Variants in CNTN4 observed in about 807,000 individuals in gnomAD.
CNTN4 encodes contactin 4, also known as contactin-4.
Under a neutral mutation model 122.5 loss-of-function variants are expected in CNTN4, and 77 were observed. That is an observed-to-expected ratio of 0.63 (90% CI 0.52 to 0.76). CNTN4 has a LOEUF of 0.76. CNTN4 is among the 30% of genes least tolerant of loss of function. The pLI is 0.00. For missense variants in CNTN4, 1,256 were observed against 1,259.1 expected (o/e 1.00, Z 0.04); for synonymous variants, 512 against 447.0 (o/e 1.15, Z -1.83).
At chr3:2,440,256 G>C (rs1266897807) in intron 3 of CNTN4, among the ~76,000 whole-genome samples, 1 of 151,982 alleles carries the variant, frequency 6.6e-6, no homozygotes, top group Non-Finnish European at 1.5e-5. Context: ...CTATCGCAAG[G>C]ACAAAAAAAC....
At chr3:2,582,355 G>A (rs1449477113) in intron 4 of CNTN4, among the ~76,000 whole-genome samples, 1 of 152,124 alleles carries the variant, frequency 6.6e-6, no homozygotes, top group Non-Finnish European at 1.5e-5. Flanking sequence ...AAGTCCCACA[G>A]ATAATGAGTG....
chr3:2,754,654 A>G (rs1263084009), intron 6 of CNTN4, among the ~76,000 whole-genome samples: 1 of 152,068 alleles, frequency 6.6e-6, no homozygotes, highest in East Asian at 1.9e-4. Context: ...AGGAGTGCTT[A>G]CGTACAAAAG....
intron 2 of CNTN4, among the ~76,000 whole-genome samples, chr3:2,136,969 C>T (rs1344036360): frequency 3.3e-5 from 5 of 152,098 alleles, no homozygotes; most frequent in South Asian, 4.1e-4. Flanking sequence ...CCCCTCCCCC[C>T]GAAGAAAACA....
intron 3 of CNTN4, among the ~76,000 whole-genome samples, chr3:2,475,865 A>G (rs1310943791): frequency 6.6e-6 from 1 of 152,078 alleles, no homozygotes; most frequent in Non-Finnish European, 1.5e-5. Flanking sequence ...CTTAACTCAT[A>G]TGCTCTACAC....
At chr3:2,314,791 A>G (rs761520022) in intron 2 of CNTN4, among the ~76,000 whole-genome samples, 7 of 152,028 alleles carry the variant, frequency 4.6e-5, no homozygotes, top group Non-Finnish European at 8.8e-5. Flanking sequence ...AAATTGCGAT[A>G]TCTCTAAATC....
chr3:2,583,241 A>G (rs1390987720), intron 4 of CNTN4, among the ~76,000 whole-genome samples: 2 of 152,342 alleles, frequency 1.3e-5, no homozygotes, highest in East Asian at 3.9e-4. Flanking sequence ...TGACATAACA[A>G]CTCATTGCAG....
chr3:2,666,358 C>G (rs985046371), intron 4 of CNTN4, among the ~76,000 whole-genome samples: 1 of 151,922 alleles, frequency 6.6e-6, no homozygotes, highest in African/African-American at 2.4e-5. Flanking sequence ...TCAAATAGGT[C>G]ATTATAAGTA....
intron 6 of CNTN4, among the ~76,000 whole-genome samples, chr3:2,802,614 G>A (rs2092375378): frequency 6.6e-6 from 1 of 152,134 alleles, no homozygotes; most frequent in Non-Finnish European, 1.5e-5. Context: ...AGTAAAGCAA[G>A]GTTATGTATT....
chr3:2,750,223 CTAATT>C lies in CNTN4; in HGVS notation c.358+4529_358+4533del, dbSNP rs574416116. Reference sequence around the variant, plus strand: ...GGCCCTACTTTGCTTTAGATTTACTCTAATTTATGAGAAAAACAACCTTCACTTTA... The same window carrying C: ...GGCCCTACTTTGCTTTAGATTTACTCTATGAGAAAAACAACCTTCACTTTA... On this transcript the variant is annotated intron_variant, in intron 6 of 24. Coordinates refer to ENST00000418658, the MANE Select transcript of CNTN4 (RefSeq NM_175607.3). 3.1e-3 allele frequency among the ~76,000 whole-genome samples: 467 copies of C among 152,306 alleles called. 1 individual carries two copies. Among genetic ancestry groups the C allele is most frequent in the African/African-American group, 0.011 (443 of 41,566 alleles).
chr3:2,600,005 C>CTTTTTTTTTTTT lies in CNTN4; in HGVS notation c.55+28449_55+28450insTTTTTTTTTTTT, dbSNP rs1220761684. Among the ~76,000 whole-genome samples, 47 of 28,300 alleles carry CTTTTTTTTTTTT rather than the reference C, an allele frequency of 1.7e-3. 7 individuals are homozygous for CTTTTTTTTTTTT. Among genetic ancestry groups the CTTTTTTTTTTTT allele is most frequent in the Non-Finnish European group, 3.8e-3 (40 of 10,612 alleles). The allele number at this position is 28,300 out of a possible 152,430, so 18.6% of individuals were successfully genotyped here. On this transcript the variant is annotated intron_variant, in intron 4 of 24. Coordinates refer to ENST00000418658, the MANE Select transcript of CNTN4 (RefSeq NM_175607.3). ...CAACTCTATTTTGGTTTATGGAATT[C>CTTTTTTTTTTTT]TTCTTTTTTTTTTTTTTTTTTTTTT...
In CNTN4 at chr3:2,975,550, C is replaced by T. The variant is rs114320540; in HGVS notation, c.1359-12795C>T. Among the ~76,000 whole-genome samples, 410 of 152,298 alleles carry T rather than the reference C, an allele frequency of 2.7e-3. 6 individuals carry two copies. The highest frequency in any genetic ancestry group is 6.8e-3 in the Middle Eastern group (2 of 294). Reference sequence around the variant, plus strand: ...TAGGATGTTGTAAGTGCTTAATAAACTTCTTAAGCATCTCCATGCGCCCAA... The same window carrying T: ...TAGGATGTTGTAAGTGCTTAATAAATTTCTTAAGCATCTCCATGCGCCCAA... On this transcript the variant is annotated intron_variant, in intron 13 of 24. Coordinates refer to ENST00000418658, the MANE Select transcript of CNTN4 (RefSeq NM_175607.3).
At chr3:2,125,328 C>CTTTG (rs1350582197) in intron 2 of CNTN4, among the ~76,000 whole-genome samples, 1 of 69,866 alleles carries the variant, frequency 1.4e-5, no homozygotes, top group African/African-American at 4.7e-5. Context: ...ACATTCTATT[C>CTTTG]TCTGTGTGTG....
rs1339591870 is a variant in CNTN4, at chr3:2,400,743, G to T, written c.-89+61510G>T. Among the ~76,000 whole-genome samples, 4 of 151,282 alleles carry T rather than the reference G, an allele frequency of 2.6e-5. No homozygotes were observed. The East Asian group carries it at 7.7e-4, about 29-fold the overall frequency. On this transcript the variant is annotated intron_variant, in intron 3 of 24. Coordinates refer to ENST00000418658, the MANE Select transcript of CNTN4 (RefSeq NM_175607.3). ...TATAAGCAAAGAAACTAACTTTGTG[G>T]TGGCTTTTATTTCAAGTTTTCCAAT...
At chr3:3,054,263 C>A (rs1162019443) in intron 24 of CNTN4, among the ~76,000 whole-genome samples, 1 of 152,108 alleles carries the variant, frequency 6.6e-6, no homozygotes, top group East Asian at 1.9e-4. Flanking sequence ...TGCATTGCAT[C>A]TATTGTAGCC....
rs2082135883 is a variant in CNTN4 at position 2,625,174 on chromosome 3, G to A, written c.55+53616G>A. Among the ~76,000 whole-genome samples the A allele has an allele frequency of 2.0e-5, 3 of 152,166 alleles. No homozygotes were observed. In the South Asian group the frequency reaches 6.2e-4, roughly 32 times the overall value. On this transcript the variant is annotated intron_variant, in intron 4 of 24. Transcript: ENST00000418658. ...ACTGTAATCGTGCTTAATAAGAATT[G>A]TAACCCACTGCCATCTTCATCCTCC...
intron 3 of CNTN4, among the ~76,000 whole-genome samples, chr3:2,353,816 G>A (rs938060601): frequency 7.3e-5 from 11 of 151,718 alleles, no homozygotes; most frequent in Non-Finnish European, 4.4e-5. Context: ...GGAGAATGGC[G>A]GGAACCCGGG....
At chr3:2,679,494 A>G (rs1281264491) in intron 4 of CNTN4, among the ~76,000 whole-genome samples, 1 of 152,134 alleles carries the variant, frequency 6.6e-6, no homozygotes, top group Non-Finnish European at 1.5e-5. Context: ...AGGGGCATGG[A>G]AGTGTGATGA....
intron 4 of CNTN4, among the ~76,000 whole-genome samples, chr3:2,695,371 CA>C (rs1288962278): frequency 1.3e-5 from 2 of 152,196 alleles, no homozygotes; most frequent in Non-Finnish European, 2.9e-5. Context: ...CCCTCTTATG[CA>C]CAGCACCTTT....
At chr3:2,785,901 C>CCCA (rs1553639518) in intron 6 of CNTN4, among the ~76,000 whole-genome samples, 1 of 128,794 alleles carries the variant, frequency 7.8e-6, no homozygotes, top group Non-Finnish European at 1.7e-5. Flanking sequence ...CGCTGCCCCC[C>CCCA]CCCGCCCCCC....
Sources: gnomAD v4.1 joint callset for allele counts (sites outside exome capture counted in the v4.1 genomes callset) on GRCh38, gnomAD v4.1.1 for gene constraint, MANE v1.5 for transcripts, NCBI Gene and HGNC (gene_info 2026-07-23, HGNC 2026-07-21) for gene names.